The following STYX variants were observed in gnomAD, a reference collection of about 807,000 sequenced individuals.
STYX encodes serine/threonine/tyrosine-interacting protein.
A neutral mutation model predicts 42.7 loss-of-function variants in STYX; 20 were observed. That is an observed-to-expected ratio of 0.47 (90% confidence interval 0.33 to 0.68). The LOEUF (loss-of-function observed/expected upper bound fraction) is 0.68, where lower values mean the gene tolerates loss of function less well. Ranked by LOEUF, STYX falls within the 30% of genes least tolerant of loss-of-function variation. The pLI is 0.02. For synonymous variants in STYX, 78 were observed against 81.9 expected, an observed-to-expected ratio of 0.95 and a Z score of 0.26; for missense variants, 226 against 268.5, an observed-to-expected ratio of 0.84 and a Z score of 1.11.
chr14:52,755,121 G>GT (rs537098365), intron 4 of STYX, among the ~76,000 whole-genome samples: 65,349 of 139,172 alleles, frequency 0.47, 15,012 homozygotes, highest in South Asian at 0.56. Context: ...TTGTTTTTTT[G>GT]TTTTTTTTTT....
intron 9 of STYX, among the ~76,000 whole-genome samples, chr14:52,761,839 G>C (rs1882107257): frequency 1.3e-5 from 2 of 151,208 alleles, no homozygotes. Context: ...GAGATCAGGA[G>C]TTTGAGACCA....
chr14:52,730,416 A>G lies in STYX; in HGVS notation c.-59A>G. The G allele has an allele frequency of 6.3e-7, 1 of 1,580,858 alleles. No homozygotes were observed. The highest frequency in any genetic ancestry group is 8.6e-7 in the Non-Finnish European group (1 of 1,157,660). ...TCCTTCCGCCGCCGCAGCCAGCCCG[A>G]GGGTCGGCCGGCTGTGTAACACTCT... On this transcript the variant is annotated 5_prime_UTR_variant, in exon 1 of 11. Transcript: ENST00000354586.
In STYX at chr14:52,730,221, T is replaced by G. The variant is rs1397043389; in HGVS notation, c.-254T>G. The G allele has an allele frequency of 5.4e-6, 3 of 560,640 alleles. No homozygotes were observed. Among genetic ancestry groups the G allele is most frequent in the Admixed American group, 3.2e-5 (1 of 31,524 alleles). The allele number at this position is 560,640 out of a possible 1,614,324, so 34.7% of individuals were successfully genotyped here. ...TGGGCGGCCTGAGGGGTACGGAGAC[T>G]CTGGGGGAGGGAGACGGCAGCGGCA... On this transcript the variant is annotated 5_prime_UTR_variant, in exon 1 of 11. Coordinates refer to ENST00000354586, the MANE Select transcript of STYX (RefSeq NM_145251.4).
Position 52,747,287 on chromosome 14 carries a change from A to G in STYX, c.144+808A>G, listed in dbSNP as rs185598399. Among the ~76,000 whole-genome samples, 27 of 152,340 alleles carry G rather than the reference A, an allele frequency of 1.8e-4. No individual in the cohort carries two copies. In the East Asian group the frequency reaches 5.2e-3, roughly 29 times the overall value. On this transcript the variant is annotated intron_variant, in intron 3 of 10. Coordinates refer to ENST00000354586, the MANE Select transcript of STYX (RefSeq NM_145251.4). Reference sequence around the variant, plus strand: ...TTCTCTTTGAGTTACAACGTGGAACATATCATAGATGTCTTTCCCCAATAC... The same window carrying G: ...TTCTCTTTGAGTTACAACGTGGAACGTATCATAGATGTCTTTCCCCAATAC...
chr14:52,765,711 A>G (rs150368437), intron 9 of STYX, among the ~76,000 whole-genome samples: 169 of 152,318 alleles, frequency 1.1e-3, no homozygotes, highest in African/African-American at 3.8e-3. Flanking sequence ...AAACTGTTCT[A>G]TATCAGATCA....
intron 5 of STYX, among the ~76,000 whole-genome samples, chr14:52,756,843 A>G (rs1345865760): frequency 6.6e-6 from 1 of 151,836 alleles, no homozygotes; most frequent in Non-Finnish European, 1.5e-5. Context: ...ATGAGCCGCC[A>G]TGCCCAGCTA....
At chr14:52,734,177 G>T (rs1282387184) in intron 1 of STYX, among the ~76,000 whole-genome samples, 2 of 152,208 alleles carry the variant, frequency 1.3e-5, no homozygotes, top group Non-Finnish European at 2.9e-5. Flanking sequence ...TGCAGAAAAG[G>T]TAGGTGGTTT....
Position 52,730,235 on chromosome 14 carries a change from A to G in STYX, c.-240A>G. On this transcript the variant is annotated 5_prime_UTR_variant, in exon 1 of 11. Transcript: ENST00000354586. ...GGTACGGAGACTCTGGGGGAGGGAG[A>G]CGGCAGCGGCATGGCGGCCGGGTGT... The G allele has an allele frequency of 1.8e-6, 1 of 564,450 alleles. No individual in the cohort carries two copies. The highest frequency in any genetic ancestry group is 3.2e-6 in the Non-Finnish European group (1 of 315,860). The allele number at this position is 564,450 out of a possible 1,614,324, so 35.0% of individuals were successfully genotyped here.
In STYX at chr14:52,771,241, G is replaced by A; in HGVS notation, c.*135G>A. On this transcript the variant is annotated 3_prime_UTR_variant, in exon 11 of 11. Transcript: ENST00000354586. Reference sequence around the variant, plus strand: ...ATGTTGCTTCCAGACATACTTCTCTGCAACTTGTTGAGCAACATTTTAAGA... The same window carrying A: ...ATGTTGCTTCCAGACATACTTCTCTACAACTTGTTGAGCAACATTTTAAGA... 1 of 683,206 alleles carries A rather than the reference G, an allele frequency of 1.5e-6. No individual in the cohort carries two copies. Among genetic ancestry groups the A allele is most frequent in the South Asian group, 2.5e-5 (1 of 40,468 alleles). The allele number at this position is 683,206 out of a possible 1,614,324, so 42.3% of individuals were successfully genotyped here. A position where few individuals can be genotyped will look rare whatever the true frequency, so the allele number is the denominator to read the frequency against.
chr14:52,768,378 A>G (rs1456654534), intron 9 of STYX, among the ~76,000 whole-genome samples: 3 of 152,134 alleles, frequency 2.0e-5, no homozygotes, highest in Non-Finnish European at 2.9e-5. Context: ...GCTGGTAATC[A>G]ATTCCTTTTC....
chr14:52,739,245 G>C (rs1881086660), intron 1 of STYX, among the ~76,000 whole-genome samples: 1 of 151,982 alleles, frequency 6.6e-6, no homozygotes, highest in Non-Finnish European at 1.5e-5. Flanking sequence ...TGATGGTAGA[G>C]GGAAAGTCTT....
chr14:52,757,812 A>G (rs1050082633), intron 7 of STYX, 30 bp downstream of exon 7: 9 of 1,612,820 alleles, frequency 5.6e-6, no homozygotes, highest in African/African-American at 1.3e-5. Flanking sequence ...CTTTCTTTCT[A>G]TAACATTTAA....
rs1298673232 is a variant in STYX, at chr14:52,757,863, C to A, written c.381-11C>A. ...TTCTGGTTGTTTTTAAAATTATTTTCCCCTCTTCAGTGCAGCCTTTGTTAT... is the reference window on the plus strand; with the variant it reads ...TTCTGGTTGTTTTTAAAATTATTTTACCCTCTTCAGTGCAGCCTTTGTTAT... On this transcript the variant is annotated splice_polypyrimidine_tract_variant and intron_variant, in intron 7 of 10. Transcript: ENST00000354586. 6.2e-7 allele frequency: 1 copy of A among 1,612,700 alleles called. No individual in the cohort carries two copies. The highest frequency in any genetic ancestry group is 8.5e-7 in the Non-Finnish European group (1 of 1,179,732).
chr14:52,732,097 T>TTG (rs71125125), intron 1 of STYX, among the ~76,000 whole-genome samples: 39,457 of 118,090 alleles, frequency 0.33, 6,816 homozygotes, highest in Middle Eastern at 0.44. Flanking sequence ...CATGGTTTTT[T>TTG]TTTTTTTTTT....
chr14:52,748,507 C>G (rs886935682), intron 3 of STYX, among the ~76,000 whole-genome samples: 1 of 152,086 alleles, frequency 6.6e-6, no homozygotes, highest in African/African-American at 2.4e-5. Flanking sequence ...AATTTAGGGC[C>G]TTTGTAATTA....
chr14:52,730,338 T>A lies in STYX; in HGVS notation c.-137T>A. 1.3e-6 allele frequency: 1 copy of A among 798,510 alleles called. No individual in the cohort carries two copies. 49.5% of individuals were successfully genotyped at this position (798,510 alleles called of 1,614,324 possible). A position where few individuals can be genotyped will look rare whatever the true frequency, so the allele number is the denominator to read the frequency against. On this transcript the variant is annotated 5_prime_UTR_variant, in exon 1 of 11. The change creates a premature stop within an existing upstream ORF in the 5' untranslated region. Transcript: ENST00000354586. ...ACTGGGACCCTGTAGTCTGCGTGTG[T>A]TAGTTGTAATCCCGCCGCCCTCCTG...
chr14:52,752,893 T>C (rs1293020406), intron 4 of STYX, among the ~76,000 whole-genome samples: 3 of 145,696 alleles, frequency 2.1e-5, no homozygotes, highest in Middle Eastern at 3.2e-3. Flanking sequence ...TTTTTTTTTT[T>C]TTTTTGAGAT....
chr14:52,768,849 G>C lies in STYX; in HGVS notation c.514G>C (p.Ala172Pro). 1 of 1,574,652 alleles carries C rather than the reference G, an allele frequency of 6.4e-7. No homozygotes were observed. The change falls in exon 10 of 11, where the codon GCC (alanine) becomes CCC (proline). Residue 172 changes from alanine to proline, a missense_variant. Coordinates refer to ENST00000354586, the MANE Select transcript of STYX (RefSeq NM_145251.4). ...CTTATTTTTTTTTTAGGAATATGAAGCCATCTACCTAGCAAAATTAACAAT... is the reference window on the plus strand; with the variant it reads ...CTTATTTTTTTTTTAGGAATATGAACCCATCTACCTAGCAAAATTAACAAT... ...GFVHQLQEYE[A>P]IYLAKLTIQM...
In STYX at chr14:52,773,409, C is replaced by G. The variant is rs1247236551; in HGVS notation, c.*2303C>G. The G allele has an allele frequency of 6.6e-6, 1 of 150,808 alleles. No individual in the cohort carries two copies. The highest frequency in any genetic ancestry group is 1.5e-5 in the Non-Finnish European group (1 of 67,998). 9.3% of individuals were successfully genotyped at this position (150,808 alleles called of 1,614,324 possible). A position where few individuals can be genotyped will look rare whatever the true frequency, so the allele number is the denominator to read the frequency against. On this transcript the variant is annotated 3_prime_UTR_variant, in exon 11 of 11. Transcript: ENST00000354586. ...CTGGAGTACAGTGGCACAATCTTGG[C>G]TCACTGCAACCTCCACCTCCTGGGT...
Sources: gnomAD v4.1 joint callset for allele counts (sites outside exome capture counted in the v4.1 genomes callset) on GRCh38, gnomAD v4.1.1 for gene constraint, MANE v1.5 for transcripts, NCBI Gene and HGNC (gene_info 2026-07-23, HGNC 2026-07-21) for gene names.